Variants in NLGN1 observed in about 807,000 individuals in gnomAD.
NLGN1 encodes the protein neuroligin 1, also known as neuroligin-1.
Under a neutral mutation model 65.5 loss-of-function variants are expected in NLGN1, and 12 were observed. The ratio of observed to expected loss-of-function variants is 0.18; its 90% CI spans 0.12 to 0.30. The LOEUF is 0.30. Among genes scored for constraint, NLGN1 ranks in the 10% least tolerant of loss-of-function variants. The pLI is 1.00. For synonymous variants in NLGN1, 350 were observed against 359.5 expected, an observed-to-expected ratio of 0.97 and a Z score of 0.30; for missense variants, 750 against 1,007.1, an observed-to-expected ratio of 0.74 and a Z score of 3.46.
intron 4 of NLGN1, among the ~76,000 whole-genome samples, chr3:173,891,578 T>G (rs928218127): frequency 6.6e-6 from 1 of 152,176 alleles, no homozygotes; most frequent in African/African-American, 2.4e-5. Flanking sequence ...TTTTCCTAGC[T>G]GAGCCATCCA....
At chr3:174,206,128 G>A (rs1735353946) in intron 4 of NLGN1, among the ~76,000 whole-genome samples, 1 of 152,164 alleles carries the variant, frequency 6.6e-6, no homozygotes, top group South Asian at 2.1e-4. Flanking sequence ...GACAACGTTT[G>A]TTTCAAACCA....
At chr3:173,722,546 T>G in intron 3 of NLGN1, among the ~76,000 whole-genome samples, 1 of 152,098 alleles carries the variant, frequency 6.6e-6, no homozygotes, top group Non-Finnish European at 1.5e-5. Flanking sequence ...GGCCAACTTT[T>G]TTTTCTTTAT....
chr3:174,130,105 T>G (rs926852723), intron 4 of NLGN1, among the ~76,000 whole-genome samples: 9 of 152,178 alleles, frequency 5.9e-5, no homozygotes, highest in Non-Finnish European at 1.2e-4. Context: ...CCGGGCATGG[T>G]GGCCCTCGCC....
intron 3 of NLGN1, among the ~76,000 whole-genome samples, chr3:173,779,817 A>C (rs1780858326): frequency 6.6e-6 from 1 of 152,168 alleles, no homozygotes; most frequent in African/African-American, 2.4e-5. Context: ...CAGGCCTTAA[A>C]GATGAGTGGC....
chr3:173,774,874 A>G (rs754802581), intron 3 of NLGN1, among the ~76,000 whole-genome samples: 47 of 152,048 alleles, frequency 3.1e-4, no homozygotes, highest in Non-Finnish European at 6.0e-4. Flanking sequence ...TGTCAGTTTA[A>G]CATAGAGTGT....
chr3:173,770,828 C>T (rs1331921844), intron 3 of NLGN1, among the ~76,000 whole-genome samples: 1 of 151,986 alleles, frequency 6.6e-6, no homozygotes, highest in Non-Finnish European at 1.5e-5. Context: ...ATAATTCGCA[C>T]TCAATAGAAT....
At chr3:173,938,658 A>G (rs1745457868) in intron 4 of NLGN1, among the ~76,000 whole-genome samples, 1 of 152,210 alleles carries the variant, frequency 6.6e-6, no homozygotes, top group South Asian at 2.1e-4. Context: ...TGAGTAATTA[A>G]TCATTAATTT....
In NLGN1 at chr3:174,044,731, C is replaced by G. The variant is rs551210002; in HGVS notation, c.647-230584C>G. ...GCCTCTGATATGGTTTGACTGTGTC[C>G]CCTTCCAAATCTCATATTGATTCGT... On this transcript the variant is annotated intron_variant, in intron 4 of 6. Transcript: ENST00000457714. Among the ~76,000 whole-genome samples, 11 of 152,222 alleles carry G rather than the reference C, an allele frequency of 7.2e-5. No homozygotes were observed. In the South Asian group the frequency reaches 2.1e-3, roughly 29 times the overall value.
chr3:173,456,064 C>A (rs1722469987), intron 2 of NLGN1, among the ~76,000 whole-genome samples: 1 of 152,112 alleles, frequency 6.6e-6, no homozygotes, highest in African/African-American at 2.4e-5. Context: ...GGAGGGCCAT[C>A]TGCTTTAGTA....
At chr3:174,029,545 T>C (rs1729510181) in intron 4 of NLGN1, among the ~76,000 whole-genome samples, 1 of 152,014 alleles carries the variant, frequency 6.6e-6, no homozygotes. Flanking sequence ...CTTGGACTTT[T>C]GAGTTAATGC....
chr3:173,733,859 A>G (rs974483238), intron 3 of NLGN1, among the ~76,000 whole-genome samples: 1 of 152,128 alleles, frequency 6.6e-6, no homozygotes, highest in Non-Finnish European at 1.5e-5. Flanking sequence ...CATACCACCA[A>G]ATTCAACAAG....
Position 174,246,394 on chromosome 3 carries a change from G to T in NLGN1, c.647-28921G>T, listed in dbSNP as rs376165306. Reference sequence around the variant, plus strand: ...AATAGACAAGGCCATTATTCTTGAGGAAAAACTTACTAGGATGACCCTAAT... The same window carrying T: ...AATAGACAAGGCCATTATTCTTGAGTAAAAACTTACTAGGATGACCCTAAT... On this transcript the variant is annotated intron_variant, in intron 4 of 6. Coordinates refer to ENST00000457714, the Ensembl canonical transcript of NLGN1. 5.4e-4 allele frequency among the ~76,000 whole-genome samples: 82 copies of T among 152,212 alleles called. No homozygotes were observed. The South Asian group carries it at 9.3e-3, about 17-fold the overall frequency.
chr3:173,601,900 T>G (rs946255998), intron 2 of NLGN1, among the ~76,000 whole-genome samples: 4 of 152,074 alleles, frequency 2.6e-5, no homozygotes, highest in African/African-American at 9.6e-5. Flanking sequence ...GAATATTTAC[T>G]GAGACTTCGT....
At chr3:173,602,323 C>T (rs1355704263) in intron 2 of NLGN1, among the ~76,000 whole-genome samples, 1 of 151,964 alleles carries the variant, frequency 6.6e-6, no homozygotes, top group Non-Finnish European at 1.5e-5. Flanking sequence ...CACATTTTTA[C>T]ATTTGATTTG....
At chr3:173,657,710 C>T (rs1760274618) in intron 3 of NLGN1, among the ~76,000 whole-genome samples, 1 of 151,860 alleles carries the variant, frequency 6.6e-6, no homozygotes, top group African/African-American at 2.4e-5. Flanking sequence ...ATCCCACCCA[C>T]TCCAAAGCCC....
At chr3:173,399,798 A>C (rs539765429) in intron 1 of NLGN1, 1 of 152,346 alleles carries the variant, frequency 6.6e-6, no homozygotes, top group South Asian at 2.1e-4. Context: ...AGAACTATAA[A>C]ATACAGTTAT....
chr3:173,882,872 G>T (rs548343533), intron 4 of NLGN1, among the ~76,000 whole-genome samples: 1 of 151,768 alleles, frequency 6.6e-6, no homozygotes, highest in African/African-American at 2.4e-5. Context: ...CTTTTAACAT[G>T]TCTTTCTCAC....
chr3:173,803,301 T>C (rs753350761), intron 3 of NLGN1, among the ~76,000 whole-genome samples: 25 of 152,182 alleles, frequency 1.6e-4, no homozygotes, highest in Admixed American at 1.3e-4. Context: ...TTAATGGTGC[T>C]AATAATGCCT....
At chr3:174,029,745 T>C (rs906365344) in intron 4 of NLGN1, among the ~76,000 whole-genome samples, 3 of 152,174 alleles carry the variant, frequency 2.0e-5, no homozygotes, top group African/African-American at 7.2e-5. Context: ...AATTGAATCA[T>C]GGGAGTGGTT....
Sources: allele counts gnomAD v4.1 joint callset (sites outside exome capture counted in the v4.1 genomes callset), GRCh38; gene constraint gnomAD v4.1.1; transcripts MANE v1.5; gene names NCBI Gene and HGNC (gene_info 2026-07-23, HGNC 2026-07-21).